Variants in RUFY3 observed in about 807,000 individuals in gnomAD.
RUFY3 encodes the protein protein RUFY3.
RUFY3 carries 34 observed loss-of-function variants against 84.0 expected under a neutral mutation model. The ratio of observed to expected loss-of-function variants is 0.40; its 90% CI spans 0.31 to 0.54. The LOEUF is 0.54. RUFY3 is among the 20% of genes least tolerant of loss of function. The pLI is 0.39. For synonymous variants in RUFY3, 242 were observed against 252.9 expected, an observed-to-expected ratio of 0.96 and a Z score of 0.41; for missense variants, 507 against 736.8, an observed-to-expected ratio of 0.69 and a Z score of 3.61.
chr4:70,768,129 C>T (rs1221873572), intron 4 of RUFY3, among the ~76,000 whole-genome samples: 2 of 152,066 alleles, frequency 1.3e-5, no homozygotes, highest in East Asian at 1.9e-4. Flanking sequence ...ACCACCATGC[C>T]GAGCTACCAA....
chr4:70,722,541 C>A lies in RUFY3; in HGVS notation c.-33C>A. 2 of 1,593,582 alleles carry A rather than the reference C, an allele frequency of 1.3e-6. No individual in the cohort carries two copies. Among genetic ancestry groups the A allele is most frequent in the South Asian group, 1.1e-5 (1 of 88,584 alleles). ...TGTGTGTGTGTGAGTGTGTGTGTGT[C>A]TGTGTGTGTGTTGTGGTCCCAGCTG... On this transcript the variant is annotated 5_prime_UTR_variant, in exon 1 of 18. The change creates a new upstream start codon in the 5' untranslated region. Transcript: ENST00000381006.
chr4:70,716,845 CAAA>C (rs531822773), intron 1 of RUFY3, among the ~76,000 whole-genome samples: 6 of 72,476 alleles, frequency 8.3e-5, no homozygotes, highest in Non-Finnish European at 1.4e-4. Context: ...AACTCTGTCT[CAAA>C]AAAAAAAAAA....
chr4:70,761,905 A>T (rs1725095518), intron 1 of RUFY3, among the ~76,000 whole-genome samples: 1 of 152,206 alleles, frequency 6.6e-6, no homozygotes, highest in Admixed American at 6.5e-5. Flanking sequence ...CAAATTATGC[A>T]GAGAAAAGAG....
At chr4:70,786,846 A>G (rs1043798886) in intron 10 of RUFY3, among the ~76,000 whole-genome samples, 8 of 152,026 alleles carry the variant, frequency 5.3e-5, no homozygotes, top group Non-Finnish European at 1.0e-4. Context: ...GTCTTTAAGA[A>G]TAAGGAGGAG....
chr4:70,736,211 G>A (rs552052368), intron 1 of RUFY3, among the ~76,000 whole-genome samples: 1 of 151,024 alleles, frequency 6.6e-6, no homozygotes, highest in Non-Finnish European at 1.5e-5. Flanking sequence ...GCATTATTAT[G>A]TACAGATATT....
At chr4:70,788,535 T>C (rs1730290339) in intron 10 of RUFY3, among the ~76,000 whole-genome samples, 1 of 152,166 alleles carries the variant, frequency 6.6e-6, no homozygotes, top group Non-Finnish European at 1.5e-5. Context: ...CAAATATGTA[T>C]ATATTTTAGA....
intron 15 of RUFY3, among the ~76,000 whole-genome samples, chr4:70,801,163 CAAAAAAAAA>C (rs561597683): frequency 1.6e-5 from 1 of 64,272 alleles, no homozygotes; most frequent in South Asian, 4.6e-4. Context: ...ACTATGGAGA[CAAAAAAAAA>C]AAAAAAAAAT....
intron 1 of RUFY3, among the ~76,000 whole-genome samples, chr4:70,729,934 C>CG (rs1275874743): frequency 8.4e-6 from 1 of 118,934 alleles, no homozygotes; most frequent in Non-Finnish European, 1.8e-5. Flanking sequence ...TTGTTTCTTT[C>CG]GTTTTTTTTT....
intron 8 of RUFY3, among the ~76,000 whole-genome samples, chr4:70,781,236 G>C (rs896414897): frequency 6.6e-6 from 1 of 152,160 alleles, no homozygotes. Flanking sequence ...TGTAATCCCA[G>C]CCCTTTGGAA....
intron 1 of RUFY3, among the ~76,000 whole-genome samples, chr4:70,751,572 C>G (rs1043660193): frequency 1.3e-5 from 2 of 152,126 alleles, no homozygotes; most frequent in South Asian, 2.1e-4. Flanking sequence ...ATATTTCAAG[C>G]CTTTGCCCAT....
chr4:70,729,352 G>A (rs571934403), intron 1 of RUFY3, among the ~76,000 whole-genome samples: 1 of 152,248 alleles, frequency 6.6e-6, no homozygotes, highest in Admixed American at 6.5e-5. Flanking sequence ...CACCTCCTGA[G>A]TTCACACAAT....
intron 1 of RUFY3, among the ~76,000 whole-genome samples, chr4:70,747,751 A>G (rs1160380642): frequency 2.0e-5 from 3 of 152,198 alleles, no homozygotes; most frequent in East Asian, 1.9e-4. Context: ...TGGTGGTTGC[A>G]TTCCTGGAGA....
chr4:70,788,113 G>A (rs1336730397), intron 10 of RUFY3, among the ~76,000 whole-genome samples: 1 of 151,770 alleles, frequency 6.6e-6, no homozygotes, highest in Non-Finnish European at 1.5e-5. Context: ...GTGAAACCCC[G>A]TCTCTACTAA....
chr4:70,705,653 G>A (rs1427306699), intron 1 of RUFY3, among the ~76,000 whole-genome samples: 1 of 152,168 alleles, frequency 6.6e-6, no homozygotes, highest in Non-Finnish European at 1.5e-5. Flanking sequence ...GGGCGCCCTG[G>A]CCCTGTCCCG....
chr4:70,793,593 T>C (rs1731132697), intron 12 of RUFY3, 192 bp from the exon 13 acceptor site: 2 of 1,466,846 alleles, frequency 1.4e-6, no homozygotes, highest in African/African-American at 1.4e-5. Context: ...CATCTTACTT[T>C]TCTTTAGAAT....
rs1384070632 is a variant in RUFY3, at chr4:70,794,847, G to A, written c.1510G>A (p.Asp504Asn). The change falls in exon 14 of 18, where the codon GAC (aspartate) becomes AAC (asparagine). Residue 504 changes from aspartate (D) to asparagine (N), a missense_variant. Physicochemically the swap from Asp to Asn is conservative, Grantham distance 23 (BLOSUM62 1). This residue lies in a region of RUFY3 where 334 missense variants were observed against 364.1 expected (regional missense o/e 0.92). Coordinates refer to ENST00000381006, the MANE Select transcript of RUFY3 (RefSeq NM_001037442.4). ...GGAAAAAGAAAGAAGATTACAAAACGACAGGAGCATCCCAGGAAGGGGTTC... is the reference window on the plus strand; with the variant it reads ...GGAAAAAGAAAGAAGATTACAAAACAACAGGAGCATCCCAGGAAGGGGTTC... ...KQEKERRLQN[D>N]RSIPGRGSQK... 12 of 1,613,110 alleles carry A rather than the reference G, an allele frequency of 7.4e-6. No homozygotes were observed. The highest frequency in any genetic ancestry group is 5.5e-5 in the South Asian group (5 of 90,956).
intron 12 of RUFY3, chr4:70,792,742 T>C: frequency 1.0e-6 from 1 of 985,404 alleles, no homozygotes. Flanking sequence ...ATTCCATGTG[T>C]GCTTATATAG....
intron 1 of RUFY3, among the ~76,000 whole-genome samples, chr4:70,724,409 C>T (rs1717883026): frequency 6.6e-6 from 1 of 152,162 alleles, no homozygotes; most frequent in African/African-American, 2.4e-5. Flanking sequence ...ACAATTTTAA[C>T]ACCTCAAATA....
In RUFY3 at chr4:70,733,999, A is replaced by G. The variant is rs563219425; in HGVS notation, c.178+11248A>G. Among the ~76,000 whole-genome samples the G allele has an allele frequency of 9.8e-5, 15 of 152,334 alleles. No homozygotes were observed. In the South Asian group the frequency reaches 2.3e-3, roughly 23 times the overall value. On this transcript the variant is annotated intron_variant, in intron 1 of 17. Transcript: ENST00000381006. ...TTTGTATTATATATCAGTACCTTCTATGACAGTTTCACACATCTGTGAGTG... is the reference window on the plus strand; with the variant it reads ...TTTGTATTATATATCAGTACCTTCTGTGACAGTTTCACACATCTGTGAGTG...
Sources: gnomAD v4.1 joint callset for allele counts (sites outside exome capture counted in the v4.1 genomes callset) on GRCh38, gnomAD v4.1.1 for gene constraint, gnomAD v4.1.1 regional missense constraint, MANE v1.5 for transcripts, NCBI Gene and HGNC (gene_info 2026-07-23, HGNC 2026-07-21) for gene names.